Variants in SMCHD1 observed in about 807,000 individuals in gnomAD.
SMCHD1 encodes structural maintenance of chromosomes flexible hinge domain-containing protein 1.
Under a neutral mutation model 254.7 loss-of-function variants are expected in SMCHD1, and 78 were observed. That is an observed-to-expected ratio of 0.31 (90% CI 0.26 to 0.37). The LOEUF (loss-of-function observed/expected upper bound fraction) is 0.37, where lower values mean the gene tolerates loss of function less well. SMCHD1 is among the 10% of genes least tolerant of loss of function. The pLI is 1.00. For synonymous variants in SMCHD1, 766 were observed against 794.9 expected, an observed-to-expected ratio of 0.96 and a Z score of 0.61; for missense variants, 1,840 against 2,408.1, an observed-to-expected ratio of 0.76 and a Z score of 4.94.
chr18:2,766,033 ACC>A (rs2143711669), intron 37 of SMCHD1, among the ~76,000 whole-genome samples: 1 of 135,818 alleles, frequency 7.4e-6, no homozygotes, highest in South Asian at 2.5e-4. Context: ...TCACTGTCTC[ACC>A]CAGGCTGGAG....
At chr18:2,669,349 A>G (rs1041220856) in intron 3 of SMCHD1, among the ~76,000 whole-genome samples, 18 of 152,152 alleles carry the variant, frequency 1.2e-4, no homozygotes, top group African/African-American at 4.3e-4. Flanking sequence ...CTCTCTCTCT[A>G]AAAAATAAAA....
intron 37 of SMCHD1, among the ~76,000 whole-genome samples, chr18:2,764,640 G>C (rs548122400): frequency 6.6e-6 from 1 of 152,200 alleles, no homozygotes; most frequent in Admixed American, 6.5e-5. Context: ...TTTCTTGTCA[G>C]TATTCCATAA....
At chr18:2,663,239 G>A (rs1369028659) in intron 1 of SMCHD1, among the ~76,000 whole-genome samples, 1 of 151,868 alleles carries the variant, frequency 6.6e-6, no homozygotes, top group African/African-American at 2.4e-5. Flanking sequence ...TTGAGTGGTT[G>A]TGACTACACG....
At chr18:2,773,140 T>C in intron 41 of SMCHD1, among the ~76,000 whole-genome samples, 1 of 152,214 alleles carries the variant, frequency 6.6e-6, no homozygotes, top group Admixed American at 6.6e-5. Flanking sequence ...TGTAGCAATG[T>C]GTATGACCAA....
intron 5 of SMCHD1, among the ~76,000 whole-genome samples, chr18:2,686,347 T>C (rs1174717576): frequency 6.6e-6 from 1 of 152,234 alleles, no homozygotes; most frequent in Non-Finnish European, 1.5e-5. Flanking sequence ...GTAAGTATAA[T>C]GCATCTATTC....
chr18:2,671,763 T>C (rs568063244), intron 3 of SMCHD1, among the ~76,000 whole-genome samples: 90 of 141,462 alleles, frequency 6.4e-4, no homozygotes, highest in African/African-American at 2.1e-3. Context: ...GCCTGGCGAA[T>C]TTTTTTGTAT....
chr18:2,786,624 AGAGG>A (rs2076244734), intron 45 of SMCHD1, among the ~76,000 whole-genome samples: 5 of 152,120 alleles, frequency 3.3e-5, no homozygotes, highest in Non-Finnish European at 7.4e-5. Flanking sequence ...CCTGGGAGGC[AGAGG>A]TTGCAGTGAG....
intron 6 of SMCHD1, 51 bp from the exon 7 acceptor site, chr18:2,688,577 A>G: frequency 1.3e-6 from 2 of 1,582,738 alleles, no homozygotes; most frequent in Non-Finnish European, 1.7e-6. Context: ...GTCTAAATGC[A>G]TTAACCAGTT....
Position 2,769,778 on chromosome 18 carries a change from A to G in SMCHD1, c.4804A>G (p.Arg1602Gly). ...VFEPRLPLLS[R>G]TLEPYILPFM... ...TGAGCCCCGGCTACCACTTTTATCA[A>G]GAACCTTAGAACCATATATCCTACC... is the stretch of plus-strand genomic sequence containing the variant. The change falls in exon 38 of 48, where the codon AGA becomes GGA. Residue 1602 changes from arginine (R) to glycine (G), a missense_variant. Arg to Gly is a moderately radical substitution (Grantham distance 125). Transcript: ENST00000320876. The G allele has an allele frequency of 6.2e-7, 1 of 1,604,652 alleles. No homozygotes were observed. Among genetic ancestry groups the G allele is most frequent in the South Asian group, 1.1e-5 (1 of 89,728 alleles).
chr18:2,708,039 A>T (rs1598346077), intron 17 of SMCHD1, 119 bp downstream of exon 17: 1 of 551,596 alleles, frequency 1.8e-6, no homozygotes, highest in East Asian at 3.2e-5. Context: ...AATTTTATTG[A>T]AGTTAGGAAT....
rs1250673007 is a variant in SMCHD1, at chr18:2,656,373, G to A, written c.186+112G>A. 6 of 1,032,634 alleles carry A rather than the reference G, an allele frequency of 5.8e-6. No individual in the cohort carries two copies. In the African/African-American group the frequency reaches 1.0e-4, roughly 17 times the overall value. The allele number at this position is 1,032,634 out of a possible 1,614,324, so 64.0% of individuals were successfully genotyped here. A position where few individuals can be genotyped will look rare whatever the true frequency, so the allele number is the denominator to read the frequency against. ...AAACCTGTCACCCGGTCCCGGTCCTGCGGCCTTGGCTTCCCTCTCCCGTGT... is the reference window on the plus strand; with the variant it reads ...AAACCTGTCACCCGGTCCCGGTCCTACGGCCTTGGCTTCCCTCTCCCGTGT... On this transcript the variant is annotated intron_variant, in intron 1 of 47. Transcript: ENST00000320876.
chr18:2,784,188 C>G (rs1382375071), intron 44 of SMCHD1, among the ~76,000 whole-genome samples: 1 of 152,210 alleles, frequency 6.6e-6, no homozygotes, highest in Non-Finnish European at 1.5e-5. Context: ...CCTCTTCCTT[C>G]CACTTATCAA....
chr18:2,701,616 A>C (rs894797490), intron 12 of SMCHD1, among the ~76,000 whole-genome samples: 3 of 152,214 alleles, frequency 2.0e-5, no homozygotes, highest in African/African-American at 7.2e-5. Context: ...AAATGGGGTA[A>C]AACTGTGAAG....
intron 45 of SMCHD1, among the ~76,000 whole-genome samples, chr18:2,790,980 T>C (rs2076310179): frequency 6.6e-6 from 1 of 152,166 alleles, no homozygotes; most frequent in Non-Finnish European, 1.5e-5. Context: ...TATTTGTAGA[T>C]TGTGTAACAG....
At chr18:2,764,995 A>G (rs2075843540) in intron 37 of SMCHD1, among the ~76,000 whole-genome samples, 1 of 152,210 alleles carries the variant, frequency 6.6e-6, no homozygotes, top group Admixed American at 6.5e-5. Flanking sequence ...TATCTTACTC[A>G]TATTAGCAAC....
intron 38 of SMCHD1, 51 bp downstream of exon 38, chr18:2,769,871 G>T (rs2075945103): frequency 6.4e-7 from 1 of 1,567,402 alleles, no homozygotes; most frequent in South Asian, 1.2e-5. Flanking sequence ...TGATACTTTA[G>T]ATAACCTTGT....
intron 1 of SMCHD1, among the ~76,000 whole-genome samples, chr18:2,663,857 G>A (rs2073362239): frequency 6.6e-6 from 1 of 152,124 alleles, no homozygotes; most frequent in Non-Finnish European, 1.5e-5. Flanking sequence ...TGGGACTACA[G>A]GCGCCTGCCA....
rs1172577160 is a variant in SMCHD1 at position 2,688,625 on chromosome 18, C to T, written c.754-3C>T. 4 of 1,560,470 alleles carry T rather than the reference C, an allele frequency of 2.6e-6. No individual in the cohort carries two copies. The highest frequency in any genetic ancestry group is 1.2e-5 in the South Asian group (1 of 85,270). On this transcript the variant is annotated splice_region_variant and splice_polypyrimidine_tract_variant and intron_variant, in intron 6 of 47. Coordinates refer to ENST00000320876, the MANE Select transcript of SMCHD1 (RefSeq NM_015295.3). ...AAAAAGTACTCTTTTTAATATTTAA[C>T]AGATGATAAGCAAACCTGCAGATTC...
chr18:2,700,518 C>A, intron 10 of SMCHD1, 21 bp from the exon 11 acceptor site: 1 of 1,584,940 alleles, frequency 6.3e-7, no homozygotes, highest in South Asian at 1.2e-5. Flanking sequence ...ACATTTTGTT[C>A]CATTTGCCCT....
Sources: allele counts gnomAD v4.1 joint callset (sites outside exome capture counted in the v4.1 genomes callset), GRCh38; gene constraint gnomAD v4.1.1; transcripts MANE v1.5; gene names NCBI Gene and HGNC (gene_info 2026-07-23, HGNC 2026-07-21).